Variants in LRP1B observed in about 807,000 individuals in gnomAD.
LRP1B encodes LDL receptor related protein 1B, also known as low-density lipoprotein receptor-related protein 1B.
Under a neutral mutation model 556.6 loss-of-function variants are expected in LRP1B, and 217 were observed. The ratio of observed to expected loss-of-function variants is 0.39; its 90% CI spans 0.35 to 0.44. LRP1B has a LOEUF of 0.44. LRP1B is among the 20% of genes least tolerant of loss of function. LRP1B has a pLI of 1.00. For missense variants in LRP1B, 5,053 were observed against 5,620.8 expected, an observed-to-expected ratio of 0.90 and a Z score of 3.23; for synonymous variants, 2,047 against 1,865.8, an observed-to-expected ratio of 1.10 and a Z score of -2.50.
rs553322364 is a variant in LRP1B, at chr2:141,847,122, GAACT to G, written c.83-36725_83-36722del. On this transcript the variant is annotated intron_variant, in intron 1 of 90. Transcript: ENST00000389484. ...AAGGGAACAAATTTTAAAATCATTA[GAACT>G]AATAAGAGAACTCAGCAAGTTTGCA... 2.6e-3 allele frequency among the ~76,000 whole-genome samples: 400 copies of G among 151,496 alleles called. 2 individuals carry two copies. Among genetic ancestry groups the G allele is most frequent in the African/African-American group, 9.2e-3 (381 of 41,442 alleles).
chr2:141,069,016 G>A (rs1270874665), intron 7 of LRP1B, among the ~76,000 whole-genome samples: 1 of 151,838 alleles, frequency 6.6e-6, no homozygotes, highest in African/African-American at 2.4e-5. Flanking sequence ...AAAATATAAG[G>A]AAGAAGAACA....
intron 1 of LRP1B, among the ~76,000 whole-genome samples, chr2:141,953,248 A>G (rs1159685337): frequency 6.6e-6 from 1 of 152,114 alleles, no homozygotes; most frequent in Non-Finnish European, 1.5e-5. Context: ...TAAAACATAT[A>G]TGTCACCAGA....
intron 31 of LRP1B, 79 bp from the exon 32 acceptor site, chr2:140,813,885 G>T: frequency 9.8e-7 from 1 of 1,019,226 alleles, no homozygotes. Flanking sequence ...TGGATTTGAG[G>T]GGAAAAAAAT....
At chr2:141,789,446 T>C (rs1156921604) in intron 2 of LRP1B, among the ~76,000 whole-genome samples, 1 of 151,994 alleles carries the variant, frequency 6.6e-6, no homozygotes, top group Non-Finnish European at 1.5e-5. Context: ...AGTTTTGTTG[T>C]TGTTTTATTG....
intron 43 of LRP1B, among the ~76,000 whole-genome samples, chr2:140,578,753 A>G (rs767801627): frequency 2.0e-5 from 3 of 152,150 alleles, no homozygotes; most frequent in Non-Finnish European, 2.9e-5. Flanking sequence ...AAAAAAATAA[A>G]ATAAATAAAA....
intron 32 of LRP1B, among the ~76,000 whole-genome samples, chr2:140,782,404 T>G (rs12616902): frequency 6.6e-6 from 1 of 151,880 alleles, no homozygotes; most frequent in Non-Finnish European, 1.5e-5. Context: ...GAAGAGGACA[T>G]TGGGACACAG....
chr2:141,502,142 G>C (rs1023557065), intron 2 of LRP1B, among the ~76,000 whole-genome samples: 2 of 152,120 alleles, frequency 1.3e-5, no homozygotes, highest in Non-Finnish European at 2.9e-5. Flanking sequence ...AGTCCATTTC[G>C]AAATACTCAT....
chr2:140,996,172 T>C (rs529428641), intron 15 of LRP1B, among the ~76,000 whole-genome samples: 1 of 152,116 alleles, frequency 6.6e-6, no homozygotes, highest in South Asian at 2.1e-4. Context: ...ATTTTTCTTT[T>C]TATTCTTAGC....
chr2:141,875,262 G>A (rs900093745), intron 1 of LRP1B, among the ~76,000 whole-genome samples: 1 of 151,646 alleles, frequency 6.6e-6, no homozygotes, highest in Non-Finnish European at 1.5e-5. Context: ...CTCCTTCCTT[G>A]GCCTCCCAGT....
intron 3 of LRP1B, among the ~76,000 whole-genome samples, chr2:141,371,228 A>T (rs1286758480): frequency 6.6e-6 from 1 of 151,956 alleles, no homozygotes; most frequent in East Asian, 1.9e-4. Flanking sequence ...TATTCCATTG[A>T]TATATGTGTC....
At chr2:141,623,924 A>G (rs1474742054) in intron 2 of LRP1B, among the ~76,000 whole-genome samples, 1 of 149,852 alleles carries the variant, frequency 6.7e-6, no homozygotes, top group Non-Finnish European at 1.5e-5. Context: ...CTGAGGCAGG[A>G]TAATTGCTTG....
intron 3 of LRP1B, among the ~76,000 whole-genome samples, chr2:141,364,484 T>C (rs1240461033): frequency 6.6e-6 from 1 of 152,118 alleles, no homozygotes; most frequent in African/African-American, 2.4e-5. Flanking sequence ...CAATTATTAT[T>C]TGTCAATTAA....
At chr2:142,094,888 T>C (rs1460893095) in intron 1 of LRP1B, among the ~76,000 whole-genome samples, 1 of 151,824 alleles carries the variant, frequency 6.6e-6, no homozygotes, top group Non-Finnish European at 1.5e-5. Flanking sequence ...AATCGATAAC[T>C]GAAAATAGGA....
chr2:141,574,196 A>G (rs1450933418), intron 2 of LRP1B, among the ~76,000 whole-genome samples: 1 of 152,218 alleles, frequency 6.6e-6, no homozygotes, highest in Non-Finnish European at 1.5e-5. Flanking sequence ...AAAATCCTCA[A>G]TAAAACACTG....
At chr2:141,886,716 A>G (rs1347561905) in intron 1 of LRP1B, among the ~76,000 whole-genome samples, 1 of 152,170 alleles carries the variant, frequency 6.6e-6, no homozygotes, top group Non-Finnish European at 1.5e-5. Context: ...CTTAATAGCC[A>G]TTACTTACTC....
intron 2 of LRP1B, among the ~76,000 whole-genome samples, chr2:141,486,195 G>A (rs1423528679): frequency 1.3e-5 from 2 of 152,012 alleles, no homozygotes; most frequent in African/African-American, 4.8e-5. Flanking sequence ...CCATCATTGG[G>A]TGACCCAAAT....
intron 7 of LRP1B, among the ~76,000 whole-genome samples, chr2:141,125,625 T>C (rs564887076): frequency 1.3e-5 from 2 of 152,254 alleles, no homozygotes; most frequent in South Asian, 4.2e-4. Flanking sequence ...TTTGCTGATA[T>C]GCTCTAGCTA....
At chr2:140,779,901 G>T (rs1689638744) in intron 32 of LRP1B, among the ~76,000 whole-genome samples, 2 of 151,552 alleles carry the variant, frequency 1.3e-5, no homozygotes, top group Non-Finnish European at 2.9e-5. Flanking sequence ...TAATGAGAAG[G>T]AATCTAAAAA....
intron 1 of LRP1B, among the ~76,000 whole-genome samples, chr2:141,852,545 A>C (rs1697902108): frequency 6.6e-6 from 1 of 151,700 alleles, no homozygotes; most frequent in Non-Finnish European, 1.5e-5. Flanking sequence ...TACAAGAAAT[A>C]ATAATCACAG....
Sources: gnomAD v4.1 joint callset for allele counts (sites outside exome capture counted in the v4.1 genomes callset) on GRCh38, gnomAD v4.1.1 for gene constraint, MANE v1.5 for transcripts, NCBI Gene and HGNC (gene_info 2026-07-23, HGNC 2026-07-21) for gene names.